Variants in SECISBP2 observed in about 807,000 individuals in gnomAD.
SECISBP2 encodes selenocysteine insertion sequence-binding protein 2.
SECISBP2 carries 96 observed loss-of-function variants against 98.2 expected under a neutral mutation model. The ratio of observed to expected loss-of-function variants is 0.98; its 90% CI spans 0.83 to 1.16. The LOEUF (loss-of-function observed/expected upper bound fraction) is 1.16. SECISBP2 is among the 50% of genes most tolerant of loss of function. The pLI, the probability that SECISBP2 is intolerant of heterozygous loss-of-function variation, is 0.00. For synonymous variants in SECISBP2, 407 were observed against 370.2 expected, an observed-to-expected ratio of 1.10 and a Z score of -1.14; for missense variants, 1,046 against 1,022.9, an observed-to-expected ratio of 1.02 and a Z score of -0.31.
Position 89,319,798 on chromosome 9 carries a change from G to C in SECISBP2, c.182+1G>C. The C allele has an allele frequency of 1.2e-6, 2 of 1,613,762 alleles. No homozygotes were observed. The highest frequency in any genetic ancestry group is 1.7e-6 in the Non-Finnish European group (2 of 1,179,884). ...TTGTTCAGGAACCACCAGTGACAGAGTATGTATCTTTCTAAAAGTCTTACC... is the reference window on the plus strand; with the variant it reads ...TTGTTCAGGAACCACCAGTGACAGACTATGTATCTTTCTAAAAGTCTTACC... On this transcript the variant is annotated splice_donor_variant, in intron 2 of 16. Transcript: ENST00000375807. LOFTEE classifies it high-confidence loss of function.
downstream of SECISBP2, chr9:89,361,101 TGGTTCCGTGA>T (rs1267909799): frequency 1.2e-4 from 19 of 152,328 alleles, no homozygotes; most frequent in African/African-American, 4.1e-4. Flanking sequence ...GAGTATGTGA[TGGTTCCGTGA>T]GCAAGACTGG....
intron 2 of SECISBP2, among the ~76,000 whole-genome samples, chr9:89,321,049 A>G (rs1487830398): frequency 4.6e-5 from 7 of 152,200 alleles, no homozygotes; most frequent in Non-Finnish European, 7.4e-5. Flanking sequence ...TGAAAGTTGT[A>G]TTTTTTTGAC....
intron 13 of SECISBP2, 29 bp from the exon 14 acceptor site, chr9:89,350,603 C>T (rs1831131967): frequency 5.0e-6 from 8 of 1,599,908 alleles, no homozygotes; most frequent in Non-Finnish European, 6.0e-6. Flanking sequence ...GCCAGTGGCA[C>T]AATTCCTGAT....
Position 89,358,042 on chromosome 9 carries a change from A to G in SECISBP2, c.2312A>G (p.Gln771Arg). ...KMVELTVAAR[Q>R]AYKTMLENVQ... ...GTTGAGCTGACAGTGGCGGCCCGAC[A>G]GGCGTACAAGACCATGCTGGAGAAT... is the stretch of plus-strand genomic sequence containing the variant. Residue 771 changes from glutamine (Q) to arginine (R), a missense_variant, in exon 16 of 17, where the codon CAG (glutamine) becomes CGG (arginine). Transcript: ENST00000375807. 1.2e-6 allele frequency: 2 copies of G among 1,613,650 alleles called. No homozygotes were observed. Among genetic ancestry groups the G allele is most frequent in the Non-Finnish European group, 1.7e-6 (2 of 1,180,016 alleles).
chr9:89,335,130 G>A (rs1030387063), intron 7 of SECISBP2, among the ~76,000 whole-genome samples: 14 of 151,332 alleles, frequency 9.3e-5, no homozygotes, highest in African/African-American at 3.2e-4. Flanking sequence ...ACAGGAGAAT[G>A]GCATGAACCC....
Position 89,329,552 on chromosome 9 carries a change from T to G in SECISBP2, c.801+666T>G, listed in dbSNP as rs1376910360. The G allele has an allele frequency of 4.6e-5, 7 of 151,798 alleles. No homozygotes were observed. In the East Asian group the frequency reaches 1.4e-3, roughly 30 times the overall value. 9.4% of individuals were successfully genotyped at this position (151,798 alleles called of 1,614,324 possible). The stretch of plus-strand genomic sequence containing the variant: ...TCTTGGCTCACTACAATCCCCGCCT[T>G]CCGGGTTCAAGCAGTTCTCCTGCCT... On this transcript the variant is annotated intron_variant, in intron 5 of 16. Coordinates refer to ENST00000375807, the MANE Select transcript of SECISBP2 (RefSeq NM_024077.5).
In SECISBP2 at chr9:89,328,235, T is replaced by G. The variant is rs143845445; in HGVS notation, c.575-425T>G. ...CATCATCGCATGTACTATACTTTTATATGCCTGTTAGCTCAGTAGGTTTGT... is the reference window on the plus strand; with the variant it reads ...CATCATCGCATGTACTATACTTTTAGATGCCTGTTAGCTCAGTAGGTTTGT... On this transcript the variant is annotated intron_variant, in intron 4 of 16. Coordinates refer to ENST00000375807, the MANE Select transcript of SECISBP2 (RefSeq NM_024077.5). Among the ~76,000 whole-genome samples, 133 of 152,372 alleles carry G rather than the reference T, an allele frequency of 8.7e-4. 4 individuals carry two copies. The East Asian group carries it at 0.023, about 27-fold the overall frequency.
chr9:89,338,265 C>G (rs1829093494), intron 7 of SECISBP2, among the ~76,000 whole-genome samples, 193 bp from the exon 8 acceptor site: 1 of 152,182 alleles, frequency 6.6e-6, no homozygotes, highest in South Asian at 2.1e-4. Flanking sequence ...ACTATTTGAA[C>G]AAACTTTTTT....
chr9:89,337,299 A>T (rs1401921930), intron 7 of SECISBP2, among the ~76,000 whole-genome samples: 1 of 152,238 alleles, frequency 6.6e-6, no homozygotes, highest in African/African-American at 2.4e-5. Flanking sequence ...ATAGCTTTGC[A>T]TTTTACATAG....
downstream of SECISBP2, chr9:89,361,450 A>G (rs1032771165): frequency 6.6e-6 from 1 of 152,232 alleles, no homozygotes; most frequent in Non-Finnish European, 1.5e-5. Flanking sequence ...GAAAACTGTC[A>G]TTCAACAGAC....
chr9:89,355,419 T>C, intron 14 of SECISBP2: 3 of 982,988 alleles, frequency 3.1e-6, no homozygotes, highest in Non-Finnish European at 3.6e-6. Flanking sequence ...GCAGTTTTCT[T>C]ATGAGGGAGG....
At chr9:89,341,129 A>G (rs147371846) in intron 9 of SECISBP2, among the ~76,000 whole-genome samples, 25 of 152,340 alleles carry the variant, frequency 1.6e-4, no homozygotes, top group Non-Finnish European at 2.9e-4. Flanking sequence ...GTGATTTAAT[A>G]TAAACCCAAT....
In SECISBP2 at chr9:89,328,782, A is replaced by G. The variant is rs781188422; in HGVS notation, c.697A>G (p.Met233Val). Residue 233 changes from methionine to valine, a missense_variant, in exon 5 of 17, where the codon ATG becomes GTG. By Grantham distance (21) the Met-to-Val change is conservative. Transcript: ENST00000375807. The stretch of plus-strand genomic sequence containing the variant: ...TGAACTGCAAGGTGCAGAGAACAAT[A>G]TGTCAGAGATACAGAAGCAACCCAA... ...FPELQGAENN[M>V]SEIQKQPKWG... 1.7e-5 allele frequency: 28 copies of G among 1,614,208 alleles called. No individual in the cohort carries two copies. The highest frequency in any genetic ancestry group is 2.3e-5 in the Non-Finnish European group (27 of 1,180,002).
chr9:89,357,157 G>T (rs1196666642), intron 14 of SECISBP2: 3 of 520,352 alleles, frequency 5.8e-6, no homozygotes, highest in Non-Finnish European at 1.0e-5. Context: ...CTAATAGGTG[G>T]TAAGTTTCAG....
chr9:89,348,099 A>G lies in SECISBP2; in HGVS notation c.1623A>G (p.Gln541=). ...SLKKIILKER[Q]ERKQRLQENA... ...TTAAGATTATTTTGAAAGAACGGCA[A>G]GAGAGAAAGCAGCGTCTCCAAGAAA... Residue 541 remains glutamine (Q), a synonymous_variant, in exon 12 of 17, where the codon CAA becomes CAG. Transcript: ENST00000375807. 1 of 1,613,760 alleles carries G rather than the reference A, an allele frequency of 6.2e-7. No homozygotes were observed. Among genetic ancestry groups the G allele is most frequent in the Non-Finnish European group, 8.5e-7 (1 of 1,179,604 alleles).
chr9:89,358,801 C>T lies in SECISBP2; in HGVS notation c.2542C>T (p.Gln848Ter). Residue 848 changes from glutamine (Q) to a stop codon, truncating the protein, a stop_gained, in exon 17 of 17, where the codon CAA becomes TAA. Transcript: ENST00000375807. LOFTEE classifies it high-confidence loss of function. ...LEESLEASTSQMMNLNL is the reference protein window; with the variant it reads ...LEESLEASTS ...AGAATCCTTGGAGGCTTCAACCTCTCAAATGATGAATTTGAATTTATGAGA... is the reference window on the plus strand; with the variant it reads ...AGAATCCTTGGAGGCTTCAACCTCTTAAATGATGAATTTGAATTTATGAGA... 6.2e-7 allele frequency: 1 copy of T among 1,612,136 alleles called. No homozygotes were observed. Among genetic ancestry groups the T allele is most frequent in the Non-Finnish European group, 8.5e-7 (1 of 1,178,180 alleles).
At chr9:89,357,614 G>T (rs769142941) in intron 15 of SECISBP2, 49 bp downstream of exon 15, 11 of 1,609,158 alleles carry the variant, frequency 6.8e-6, no homozygotes, top group Middle Eastern at 2.2e-4. Flanking sequence ...GTGGGAGGAA[G>T]TGGGGGCAGG....
At chr9:89,343,308 C>T in intron 10 of SECISBP2, among the ~76,000 whole-genome samples, 1 of 152,066 alleles carries the variant, frequency 6.6e-6, no homozygotes, top group East Asian at 1.9e-4. Context: ...TTTATTATTT[C>T]AAAAAACTCT....
chr9:89,341,250 C>G, intron 9 of SECISBP2, 97 bp from the exon 10 acceptor site: 1 of 1,214,494 alleles, frequency 8.2e-7, no homozygotes, highest in Non-Finnish European at 1.2e-6. Context: ...TTTATAGTCT[C>G]AATCTTTTTC....
Sources: gnomAD v4.1 joint callset for allele counts (sites outside exome capture counted in the v4.1 genomes callset) on GRCh38, gnomAD v4.1.1 for gene constraint, MANE v1.5 for transcripts, NCBI Gene and HGNC (gene_info 2026-07-23, HGNC 2026-07-21) for gene names.